ADAMTS20: variants seen among roughly 807,000 people sequenced by gnomAD.
ADAMTS20 encodes A disintegrin and metalloproteinase with thrombospondin motifs 20.
ADAMTS20 carries 225 observed loss-of-function variants against 260.1 expected under a neutral mutation model. The observed-to-expected ratio is 0.87, with a 90% CI of 0.78 to 0.97. The LOEUF (loss-of-function observed/expected upper bound fraction) is 0.97, where lower values mean the gene tolerates loss of function less well. Among genes scored for constraint, ADAMTS20 ranks in the 50% least tolerant of loss-of-function variants. The pLI is 0.00. For missense variants in ADAMTS20, 2,400 were observed against 2,337.7 expected, an observed-to-expected ratio of 1.03 and a Z score of -0.55; for synonymous variants, 802 against 769.5, an observed-to-expected ratio of 1.04 and a Z score of -0.70.
rs771270670 is a variant in ADAMTS20, at chr12:43,439,661, G to C, written c.2554C>G (p.Pro852Ala). Reference protein sequence around the residue: ...EERSDMFTWDPYGPWEGCTKM... With the variant: ...EERSDMFTWDAYGPWEGCTKM... ...GTACAGCCTTCCCATGGTCCATAGG[G>C]GTCCCATGTGAACATGTCACTCCTC... The change falls in exon 18 of 39, where the codon CCC (proline) becomes GCC (alanine). Residue 852 changes from proline (P) to alanine (A), a missense_variant. Coordinates refer to ENST00000389420, the MANE Select transcript of ADAMTS20 (RefSeq NM_025003.5). 1 of 1,613,500 alleles carries C rather than the reference G, an allele frequency of 6.2e-7. No individual in the cohort carries two copies. Among genetic ancestry groups the C allele is most frequent in the African/African-American group, 1.3e-5 (1 of 74,930 alleles).
At chr12:43,367,185 C>T (rs1449030375) in intron 37 of ADAMTS20, among the ~76,000 whole-genome samples, 1 of 151,636 alleles carries the variant, frequency 6.6e-6, no homozygotes, top group Non-Finnish European at 1.5e-5. Context: ...AAACACGTCC[C>T]GCTACATTCT....
intron 3 of ADAMTS20, among the ~76,000 whole-genome samples, chr12:43,505,622 C>A (rs1565575619): frequency 6.6e-6 from 1 of 152,062 alleles, no homozygotes. Context: ...TAAACACACA[C>A]AAAACAGAGA....
chr12:43,542,942 A>T (rs949051289), intron 2 of ADAMTS20, among the ~76,000 whole-genome samples: 1 of 152,154 alleles, frequency 6.6e-6, no homozygotes, highest in East Asian at 1.9e-4. Context: ...CCATGGAGGA[A>T]GATGGACAAG....
intron 29 of ADAMTS20, 23 bp from the exon 30 acceptor site, chr12:43,384,000 T>C (rs369526098): frequency 1.3e-4 from 201 of 1,577,018 alleles, no homozygotes; most frequent in Non-Finnish European, 1.6e-4. Flanking sequence ...CCAGTTGATT[T>C]GAACAATTAG....
At chr12:43,474,098 T>A (rs539138515) in intron 7 of ADAMTS20, among the ~76,000 whole-genome samples, 7 of 151,576 alleles carry the variant, frequency 4.6e-5, no homozygotes, top group African/African-American at 1.7e-4. Flanking sequence ...CTAGCAAGAC[T>A]AATAAAGAAA....
intron 3 of ADAMTS20, among the ~76,000 whole-genome samples, chr12:43,511,940 A>G (rs568443289): frequency 1.2e-4 from 19 of 152,232 alleles, no homozygotes; most frequent in African/African-American, 4.6e-4. Context: ...TGACCATATC[A>G]GATGTATTGT....
intron 7 of ADAMTS20, among the ~76,000 whole-genome samples, chr12:43,487,541 A>G (rs958603497): frequency 6.6e-6 from 1 of 151,966 alleles, no homozygotes; most frequent in East Asian, 1.9e-4. Flanking sequence ...TAATTAATCC[A>G]TGTAACCAAA....
chr12:43,551,124 A>AGTGGGTTCGGAACGGC lies in ADAMTS20; in HGVS notation c.222_237dup (p.Tyr80AlafsTer82), dbSNP rs746457088. ...AGCTGCCCGTAGGCAGTGAAGCGAT[A>AGTGGGTTCGGAACGGC]GTGGGTTCGGAACGGCATGGGTTCC... On this transcript the variant is annotated frameshift_variant, in exon 2 of 39. Transcript: ENST00000389420. LOFTEE classifies it high-confidence loss of function. The surrounding 1 kb of genome is among the most constrained non-coding windows in gnomAD (Gnocchi z 4.6). 10 of 1,613,878 alleles carry AGTGGGTTCGGAACGGC rather than the reference A, an allele frequency of 6.2e-6. No homozygotes were observed. The highest frequency in any genetic ancestry group is 7.6e-6 in the Non-Finnish European group (9 of 1,179,858).
chr12:43,376,583 C>G lies in ADAMTS20; in HGVS notation c.5066G>C (p.Ser1689Thr). 6.2e-7 allele frequency: 1 copy of G among 1,613,694 alleles called. No individual in the cohort carries two copies. Reference sequence around the variant, plus strand: ...TTTTAAATGGTTTAAACATAAGTCACTGGACAAACCATGTTTGGTAATGCA... The same window carrying G: ...TTTTAAATGGTTTAAACATAAGTCAGTGGACAAACCATGTTTGGTAATGCA... ...VKCITKHGLS[S>T]DLCLNHLKPG... Residue 1689 changes from serine (S) to threonine (T), a missense_variant, in exon 33 of 39, where the codon AGT becomes ACT. Transcript: ENST00000389420.
At chr12:43,425,798 T>A in intron 27 of ADAMTS20, 108 bp from the exon 28 acceptor site, 1 of 742,852 alleles carries the variant, frequency 1.3e-6, no homozygotes, top group Non-Finnish European at 2.0e-6. Context: ...CTAGTAATTT[T>A]AACATAATTA....
intron 8 of ADAMTS20, among the ~76,000 whole-genome samples, chr12:43,467,091 G>C (rs1942168302): frequency 6.6e-6 from 1 of 151,970 alleles, no homozygotes; most frequent in African/African-American, 2.4e-5. Flanking sequence ...AGTGCCTGCA[G>C]GTTCAACATG....
At chr12:43,487,852 C>T (rs1351594915) in intron 7 of ADAMTS20, among the ~76,000 whole-genome samples, 9 of 152,022 alleles carry the variant, frequency 5.9e-5, no homozygotes, top group Admixed American at 3.9e-4. Flanking sequence ...TATTATGGAA[C>T]TGATGCATGG....
chr12:43,520,912 C>A (rs1039257880), intron 3 of ADAMTS20, among the ~76,000 whole-genome samples: 1 of 151,794 alleles, frequency 6.6e-6, no homozygotes, highest in East Asian at 1.9e-4. Flanking sequence ...TTGTTTTTTT[C>A]CACTTTAAAA....
At chr12:43,434,188 A>G (rs1373356063) in intron 19 of ADAMTS20, 57 bp downstream of exon 19, 2 of 1,500,482 alleles carry the variant, frequency 1.3e-6, no homozygotes, top group Non-Finnish European at 9.0e-7. Context: ...TGTGTTAGAC[A>G]TTTTAATCTT....
chr12:43,353,169 A>C (rs1373819696), downstream of ADAMTS20, among the ~76,000 whole-genome samples: 1 of 151,892 alleles, frequency 6.6e-6, no homozygotes, highest in Non-Finnish European at 1.5e-5. Context: ...AATTATCTGC[A>C]TGAAAAAAAC....
chr12:43,506,063 A>G (rs917338969), intron 3 of ADAMTS20, among the ~76,000 whole-genome samples: 10 of 152,128 alleles, frequency 6.6e-5, no homozygotes, highest in Non-Finnish European at 1.5e-4. Flanking sequence ...GTTTGAAGCT[A>G]CAGTGAGCTA....
intron 12 of ADAMTS20, 100 bp downstream of exon 12, chr12:43,453,807 C>G (rs1462468453): frequency 1.5e-6 from 2 of 1,377,586 alleles, no homozygotes; most frequent in African/African-American, 1.5e-5. Flanking sequence ...ATCTCAGAAA[C>G]TTACGGACTG....
chr12:43,475,620 C>T (rs368800372), intron 7 of ADAMTS20, among the ~76,000 whole-genome samples: 50 of 152,126 alleles, frequency 3.3e-4, no homozygotes, highest in Non-Finnish European at 4.9e-4. Context: ...TAACCAAAAC[C>T]GCATGGTACT....
rs1942725987 is a variant in ADAMTS20, at chr12:43,499,545, G to T, written c.867+2607C>A. Among the ~76,000 whole-genome samples, 3 of 147,558 alleles carry T rather than the reference G, an allele frequency of 2.0e-5. No homozygotes were observed. The South Asian group carries it at 6.4e-4, about 31-fold the overall frequency. ...TGCTCTGTCACCAGGCTGCAGTGCA[G>T]TGGCACGATCTCGGCTGGGAACCGA... On this transcript the variant is annotated intron_variant, in intron 4 of 38. Transcript: ENST00000389420.
Sources: allele counts gnomAD v4.1 joint callset (sites outside exome capture counted in the v4.1 genomes callset), GRCh38; gene constraint gnomAD v4.1.1; non-coding constraint Gnocchi (gnomAD v3.1); transcripts MANE v1.5; gene names NCBI Gene and HGNC (gene_info 2026-07-23, HGNC 2026-07-21).